COL21A1: variants seen among roughly 807,000 people sequenced by gnomAD.
COL21A1 encodes collagen alpha-1(XXI) chain.
Under a neutral mutation model 137.9 loss-of-function variants are expected in COL21A1, and 149 were observed. That is an observed-to-expected ratio of 1.08 (90% CI 0.95 to 1.24). The LOEUF is 1.24. Among genes scored for constraint, COL21A1 ranks in the 50% most tolerant of loss-of-function variants. COL21A1 has a pLI of 0.00. For missense variants in COL21A1, 1,167 were observed against 1,158.4 expected, an observed-to-expected ratio of 1.01 and a Z score of -0.11; for synonymous variants, 456 against 391.5, an observed-to-expected ratio of 1.16 and a Z score of -1.95.
intron 16 of COL21A1, among the ~76,000 whole-genome samples, chr6:56,114,081 C>T (rs1297707500): frequency 6.6e-6 from 1 of 152,240 alleles, no homozygotes; most frequent in Non-Finnish European, 1.5e-5. Flanking sequence ...AGGCTTTTGA[C>T]TCTAGTCCCT....
chr6:56,378,097 GTGAGACTC>G (rs1469342672), intron 1 of COL21A1, among the ~76,000 whole-genome samples: 1 of 152,176 alleles, frequency 6.6e-6, no homozygotes, highest in Non-Finnish European at 1.5e-5. Context: ...AGGGCCATAG[GTGAGACTC>G]TGAGACTTAC....
intron 16 of COL21A1, among the ~76,000 whole-genome samples, chr6:56,122,827 A>G (rs760948894): frequency 9.2e-5 from 14 of 152,194 alleles, no homozygotes; most frequent in Non-Finnish European, 1.5e-4. Context: ...GTCTTACTCA[A>G]GTCCCTTTCA....
intron 1 of COL21A1, among the ~76,000 whole-genome samples, chr6:56,210,297 G>C (rs1475054826): frequency 3.3e-5 from 5 of 152,024 alleles, no homozygotes; most frequent in Non-Finnish European, 5.9e-5. Flanking sequence ...CTACATATGA[G>C]CTTACAATGA....
intron 1 of COL21A1, chr6:56,230,914 A>G (rs1302037632): frequency 6.6e-6 from 1 of 151,940 alleles, no homozygotes; most frequent in Non-Finnish European, 1.5e-5. Flanking sequence ...ACTTAAATAT[A>G]CGAGCTCCAA....
At chr6:56,224,644 C>T (rs1218945264) in intron 1 of COL21A1, among the ~76,000 whole-genome samples, 1 of 151,938 alleles carries the variant, frequency 6.6e-6, no homozygotes, top group Non-Finnish European at 1.5e-5. Context: ...TTCTAAAAAT[C>T]AGCAGATGTA....
At chr6:56,382,396 G>A (rs1322840285) in intron 1 of COL21A1, among the ~76,000 whole-genome samples, 1 of 152,200 alleles carries the variant, frequency 6.6e-6, no homozygotes, top group Admixed American at 6.5e-5. Context: ...GAATATCACT[G>A]GAGGTGAAGT....
chr6:56,212,834 A>G (rs868772082), intron 1 of COL21A1, among the ~76,000 whole-genome samples: 1 of 152,092 alleles, frequency 6.6e-6, no homozygotes, highest in Non-Finnish European at 1.5e-5. Flanking sequence ...TTATTGGAGC[A>G]TGAAAAAATG....
intron 1 of COL21A1, among the ~76,000 whole-genome samples, chr6:56,213,332 T>C (rs945773007): frequency 1.3e-5 from 2 of 152,128 alleles, no homozygotes; most frequent in African/African-American, 2.4e-5. Flanking sequence ...TACCCTCATC[T>C]ACATAATCTT....
intron 12 of COL21A1, among the ~76,000 whole-genome samples, chr6:56,141,084 G>A (rs996825783): frequency 7.9e-5 from 12 of 152,152 alleles, no homozygotes; most frequent in African/African-American, 2.9e-4. Context: ...TTTATGTTTA[G>A]TGTGTAAAAC....
At chr6:56,075,799 G>A (rs1767179933) in intron 18 of COL21A1, among the ~76,000 whole-genome samples, 1 of 151,264 alleles carries the variant, frequency 6.6e-6, no homozygotes, top group African/African-American at 2.4e-5. Flanking sequence ...GATGGAGTTG[G>A]TAAACAACAG....
At chr6:56,187,351 A>G (rs2152287040) in intron 1 of COL21A1, among the ~76,000 whole-genome samples, 1 of 152,346 alleles carries the variant, frequency 6.6e-6, no homozygotes, top group African/African-American at 2.4e-5. Flanking sequence ...ATCACCTCTT[A>G]AAGGACCCAC....
chr6:56,130,907 C>G (rs763308125), intron 12 of COL21A1, among the ~76,000 whole-genome samples: 20 of 152,148 alleles, frequency 1.3e-4, no homozygotes, highest in Non-Finnish European at 2.6e-4. Context: ...TAAGGTTTAA[C>G]AGCAATGGAT....
intron 1 of COL21A1, among the ~76,000 whole-genome samples, chr6:56,274,347 G>T (rs187007233): frequency 1.6e-4 from 25 of 152,230 alleles, no homozygotes; most frequent in African/African-American, 5.5e-4. Context: ...ATTCAACATA[G>T]TACTGGAAGT....
At chr6:56,188,270 G>T (rs1180394362) in intron 1 of COL21A1, among the ~76,000 whole-genome samples, 1 of 152,188 alleles carries the variant, frequency 6.6e-6, no homozygotes, top group Non-Finnish European at 1.5e-5. Context: ...TGATTTTTCT[G>T]CTAGATATGT....
Position 56,120,499 on chromosome 6 carries a change from A to C in COL21A1, c.1758+3563T>G, listed in dbSNP as rs147597832. Among the ~76,000 whole-genome samples the C allele has an allele frequency of 3.4e-3, 521 of 152,310 alleles. 9 individuals are homozygous for C. Among genetic ancestry groups the C allele is most frequent in the South Asian group, 0.017 (81 of 4,828 alleles). On this transcript the variant is annotated intron_variant, in intron 16 of 29. Transcript: ENST00000244728. ...TGAAGGACAGTTTGAAGATTCCTCA[A>C]AAAACCTGAAAATGGGTTAGGCGCA... is the stretch of plus-strand genomic sequence containing the variant.
intron 3 of COL21A1, among the ~76,000 whole-genome samples, chr6:56,173,635 G>C (rs1777230733): frequency 6.6e-6 from 1 of 151,948 alleles, no homozygotes; most frequent in Admixed American, 6.6e-5. Context: ...TATGATAAAA[G>C]GGTCAACTCA....
At chr6:56,163,815 G>A (rs969128218) in intron 9 of COL21A1, among the ~76,000 whole-genome samples, 1 of 151,934 alleles carries the variant, frequency 6.6e-6, no homozygotes, top group Non-Finnish European at 1.5e-5. Flanking sequence ...CAATGGCTCC[G>A]ATCATATAAA....
chr6:56,203,467 A>T (rs1561980354), intron 1 of COL21A1, among the ~76,000 whole-genome samples: 1 of 152,220 alleles, frequency 6.6e-6, no homozygotes, highest in Non-Finnish European at 1.5e-5. Flanking sequence ...GTTTCTAAAT[A>T]TCATTTTCCA....
chr6:56,171,594 C>A (rs1777063352), intron 3 of COL21A1, among the ~76,000 whole-genome samples: 1 of 151,826 alleles, frequency 6.6e-6, no homozygotes, highest in Non-Finnish European at 1.5e-5. Context: ...GCATTCTTAG[C>A]ATTTAAGGGG....
Sources: gnomAD v4.1 joint callset for allele counts (sites outside exome capture counted in the v4.1 genomes callset) on GRCh38, gnomAD v4.1.1 for gene constraint, MANE v1.5 for transcripts, NCBI Gene and HGNC (gene_info 2026-07-23, HGNC 2026-07-21) for gene names.